Variants in ZDHHC5 observed in about 807,000 individuals in gnomAD.
The protein encoded by ZDHHC5 is zDHHC palmitoyltransferase 5, also known as palmitoyltransferase ZDHHC5.
A neutral mutation model predicts 70.0 loss-of-function variants in ZDHHC5; 22 were observed. The ratio of observed to expected loss-of-function variants is 0.31; its 90% CI spans 0.22 to 0.45. The LOEUF is 0.45. Ranked by LOEUF, ZDHHC5 falls within the 20% of genes least tolerant of loss-of-function variation. The probability of loss-of-function intolerance (pLI) is 1.00; values close to 1 mark genes in which losing one functional copy is unlikely to be tolerated. For synonymous variants in ZDHHC5, 313 were observed against 347.8 expected, an observed-to-expected ratio of 0.90 and a Z score of 1.11; for missense variants, 746 against 926.9, an observed-to-expected ratio of 0.80 and a Z score of 2.53.
At position 57,699,376 on chromosome 11, in the gene ZDHHC5, C is replaced by T; in HGVS notation, c.1940C>T (p.Ser647Phe). 6.3e-7 allele frequency: 1 copy of T among 1,599,726 alleles called. No individual in the cohort carries two copies. Among genetic ancestry groups the T allele is most frequent in the African/African-American group, 1.3e-5 (1 of 74,580 alleles). The change falls in exon 11 of 12, where the codon TCT becomes TTT. Residue 647 changes from serine to phenylalanine, a missense_variant. Ser to Phe is a radical substitution (Grantham distance 155). This residue lies in a region of ZDHHC5 where 340 missense variants were observed against 350.1 expected (regional missense o/e 0.97). Transcript: ENST00000287169. The stretch of plus-strand genomic sequence containing the variant: ...AGCCAAAAAGCCCAACCTGGTGTCT[C>T]TGAGACAGAAGAAGTGGCCTTGCAG... Reference protein sequence around the residue: ...YSSQKAQPGVSETEEVALQPL... With the variant: ...YSSQKAQPGVFETEEVALQPL...
intron 2 of ZDHHC5, among the ~76,000 whole-genome samples, chr11:57,678,920 A>G (rs1358676512): frequency 1.3e-5 from 2 of 152,166 alleles, no homozygotes; most frequent in Non-Finnish European, 2.9e-5. Flanking sequence ...TGTTTGTACT[A>G]TGTAGCTGAA....
intron 7 of ZDHHC5, 117 bp from the exon 8 acceptor site, chr11:57,693,666 C>T (rs1472544370): frequency 2.8e-6 from 4 of 1,405,598 alleles, no homozygotes; most frequent in African/African-American, 1.5e-5. Context: ...GCCAAAACTG[C>T]AATTACTTTT....
chr11:57,692,178 G>C (rs551443240), intron 6 of ZDHHC5, among the ~76,000 whole-genome samples: 1 of 151,980 alleles, frequency 6.6e-6, no homozygotes. Context: ...CACCATGCCC[G>C]GCTAGTTTTT....
intron 3 of ZDHHC5, 132 bp downstream of exon 3, chr11:57,682,675 G>A (rs374210760): frequency 2.2e-5 from 26 of 1,162,688 alleles, no homozygotes; most frequent in Middle Eastern, 3.0e-4. Flanking sequence ...TTGGGCATAC[G>A]CAGTTGATCT....
At chr11:57,680,122 T>A (rs1946130162) in intron 2 of ZDHHC5, among the ~76,000 whole-genome samples, 1 of 152,148 alleles carries the variant, frequency 6.6e-6, no homozygotes, top group South Asian at 2.1e-4. Flanking sequence ...TGGTGGCTCA[T>A]GTCTGTAATC....
intron 6 of ZDHHC5, 126 bp from the exon 7 acceptor site, chr11:57,692,485 C>G: frequency 2.8e-6 from 2 of 722,910 alleles, no homozygotes; most frequent in Non-Finnish European, 4.6e-6. Flanking sequence ...ATATAAATTT[C>G]TTGTGTTTTA....
At chr11:57,685,560 A>G (rs1946198612) in intron 3 of ZDHHC5, among the ~76,000 whole-genome samples, 1 of 152,096 alleles carries the variant, frequency 6.6e-6, no homozygotes, top group Non-Finnish European at 1.5e-5. Context: ...GAGACAGGAG[A>G]ATTGCTTGAA....
chr11:57,695,113 T>C (rs572600745), intron 8 of ZDHHC5, among the ~76,000 whole-genome samples: 1 of 152,002 alleles, frequency 6.6e-6, no homozygotes, highest in African/African-American at 2.4e-5. Context: ...AAATACAAAA[T>C]TAGCTGGGCA....
At chr11:57,675,489 T>C (rs901644729) in intron 2 of ZDHHC5, among the ~76,000 whole-genome samples, 1 of 152,208 alleles carries the variant, frequency 6.6e-6, no homozygotes, top group Non-Finnish European at 1.5e-5. Flanking sequence ...TTCCATGGTC[T>C]CTTAGCTCTA....
At chr11:57,669,454 T>A (rs1353949040) in intron 1 of ZDHHC5, among the ~76,000 whole-genome samples, 1 of 152,196 alleles carries the variant, frequency 6.6e-6, no homozygotes, top group African/African-American at 2.4e-5. Flanking sequence ...GGCATACATA[T>A]TACTTTTTTT....
At chr11:57,678,055 T>C (rs1946094874) in intron 2 of ZDHHC5, among the ~76,000 whole-genome samples, 2 of 152,200 alleles carry the variant, frequency 1.3e-5, no homozygotes, top group African/African-American at 4.8e-5. Context: ...AAGTGGAACA[T>C]TCATTTCAGC....
At chr11:57,696,740 C>T (rs761730131) in intron 9 of ZDHHC5, 21 bp from the exon 10 acceptor site, 2 of 1,609,470 alleles carry the variant, frequency 1.2e-6, no homozygotes, top group East Asian at 2.2e-5. Context: ...AATAGTGCCC[C>T]CTTGGCCTTT....
intron 3 of ZDHHC5, 50 bp from the exon 4 acceptor site, chr11:57,688,458 T>C (rs1946240150): frequency 1.3e-6 from 2 of 1,485,028 alleles, no homozygotes; most frequent in Non-Finnish European, 1.8e-6. Flanking sequence ...TCCCTAGCAC[T>C]TACTACAGTT....
In ZDHHC5 at chr11:57,673,943, C is replaced by CT. The variant is rs574568515; in HGVS notation, c.104+750dup. On this transcript the variant is annotated intron_variant, in intron 2 of 11. Transcript: ENST00000287169. ...AAACTTAGGTTTGAGATTGTGGAAA[C>CT]TGAGAGTATTGGAAAATTTCAGAAT... Among the ~76,000 whole-genome samples the CT allele has an allele frequency of 2.5e-4, 38 of 152,264 alleles. 1 individual carries two copies. In the South Asian group the frequency reaches 5.2e-3, roughly 21 times the overall value.
chr11:57,670,812 A>G (rs1448043376), intron 1 of ZDHHC5, among the ~76,000 whole-genome samples: 4 of 143,560 alleles, frequency 2.8e-5, no homozygotes, highest in African/African-American at 7.5e-5. Context: ...TGTTATCTGA[A>G]TCTTCTGATT....
rs74350211 is a variant in ZDHHC5 at position 57,698,215 on chromosome 11, T to C, written c.1123-344T>C. Among the ~76,000 whole-genome samples the C allele has an allele frequency of 3.9e-3, 599 of 151,990 alleles. 20 individuals carry two copies. The East Asian group carries it at 0.056, about 14-fold the overall frequency. ...GAAGGAAAAGGCAGAAGAAAGGACA[T>C]TTCACTAATTGTTGGCATTCGTGGA... is the stretch of plus-strand genomic sequence containing the variant. On this transcript the variant is annotated intron_variant, in intron 10 of 11. Coordinates refer to ENST00000287169, the MANE Select transcript of ZDHHC5 (RefSeq NM_015457.3).
intron 6 of ZDHHC5, among the ~76,000 whole-genome samples, chr11:57,692,025 G>A (rs627861): frequency 0.059 from 8,865 of 150,144 alleles, 868 homozygotes; most frequent in African/African-American, 0.2. Flanking sequence ...GTATCGCTTT[G>A]TCACCCAGGC....
intron 1 of ZDHHC5, 165 bp downstream of exon 1, chr11:57,668,352 T>G (rs1002677641): frequency 2.1e-5 from 4 of 187,094 alleles, no homozygotes; most frequent in Non-Finnish European, 4.4e-5. Context: ...CCATGGGCCT[T>G]GGAAACGGAC....
chr11:57,675,065 G>A (rs1231382272), intron 2 of ZDHHC5, among the ~76,000 whole-genome samples: 1 of 152,154 alleles, frequency 6.6e-6, no homozygotes, highest in Non-Finnish European at 1.5e-5. Flanking sequence ...TTTGGTTTTT[G>A]CTAATATGGC....
Sources: allele counts gnomAD v4.1 joint callset (sites outside exome capture counted in the v4.1 genomes callset), GRCh38; gene constraint gnomAD v4.1.1; regional missense constraint gnomAD v4.1.1; transcripts MANE v1.5; gene names NCBI Gene and HGNC (gene_info 2026-07-23, HGNC 2026-07-21).